Variants in RCAN2 observed in about 807,000 individuals in gnomAD.
RCAN2 encodes the protein calcipressin-2.
In RCAN2, 9 loss-of-function variants were observed where a neutral mutation model predicts 23.6. The ratio of observed to expected loss-of-function variants is 0.38; its 90% CI spans 0.23 to 0.67. The LOEUF is 0.67. RCAN2 is among the 30% of genes least tolerant of loss of function. The pLI is 0.51. For missense variants in RCAN2, 273 were observed against 302.3 expected, an observed-to-expected ratio of 0.90 and a Z score of 0.72; for synonymous variants, 109 against 115.7, an observed-to-expected ratio of 0.94 and a Z score of 0.37.
intron 2 of RCAN2, among the ~76,000 whole-genome samples, chr6:46,280,739 G>A (rs1767879023): frequency 6.6e-6 from 1 of 152,162 alleles, no homozygotes; most frequent in South Asian, 2.1e-4. Flanking sequence ...CCAGAAGCCT[G>A]TGCCATCCAT....
rs532586283 is a variant in RCAN2, at chr6:46,311,721, CTG to C, written c.226-62827_226-62826del. On this transcript the variant is annotated intron_variant, in intron 2 of 4. Transcript: ENST00000371374. ...AAATCTTGACAAACTTCTCCTAAGACTGTGTTTTCAGGACTTATTAACTCCCT... is the reference window on the plus strand; with the variant it reads ...AAATCTTGACAAACTTCTCCTAAGACTGTTTTCAGGACTTATTAACTCCCT... 1.0e-3 allele frequency among the ~76,000 whole-genome samples: 159 copies of C among 152,318 alleles called. 1 individual carries two copies. Among genetic ancestry groups the C allele is most frequent in the Non-Finnish European group, 1.9e-3 (127 of 68,012 alleles).
chr6:46,278,621 A>G (rs540423849), intron 2 of RCAN2, among the ~76,000 whole-genome samples: 33 of 152,328 alleles, frequency 2.2e-4, no homozygotes, highest in African/African-American at 7.7e-4. Flanking sequence ...CCTTTATAAC[A>G]CAAGAAAATC....
At chr6:46,455,310 CA>C (rs1254404560) in intron 2 of RCAN2, among the ~76,000 whole-genome samples, 2 of 152,158 alleles carry the variant, frequency 1.3e-5, no homozygotes, top group Non-Finnish European at 2.9e-5. Flanking sequence ...ATAATTTCAA[CA>C]GTTCAACTCC....
At chr6:46,323,011 C>T (rs1197911941) in intron 2 of RCAN2, among the ~76,000 whole-genome samples, 2 of 152,140 alleles carry the variant, frequency 1.3e-5, no homozygotes, top group South Asian at 2.1e-4. Flanking sequence ...AATGTTACTG[C>T]TTTACATTAG....
At chr6:46,312,378 C>T (rs1345891967) in intron 2 of RCAN2, among the ~76,000 whole-genome samples, 2 of 152,162 alleles carry the variant, frequency 1.3e-5, no homozygotes, top group Non-Finnish European at 2.9e-5. Flanking sequence ...ACTGAATTTC[C>T]ACTTACGAGT....
intron 1 of RCAN2, among the ~76,000 whole-genome samples, chr6:46,469,164 G>T (rs1026868384): frequency 6.6e-6 from 1 of 152,060 alleles, no homozygotes; most frequent in Admixed American, 6.5e-5. Context: ...TTCAACCAAG[G>T]GCCACAACTG....
intron 2 of RCAN2, among the ~76,000 whole-genome samples, chr6:46,276,591 G>C (rs1224207293): frequency 6.6e-6 from 1 of 152,154 alleles, no homozygotes; most frequent in South Asian, 2.1e-4. Flanking sequence ...GATCTGAAGG[G>C]TTATACACAG....
chr6:46,265,350 A>T (rs1434097965), intron 2 of RCAN2, among the ~76,000 whole-genome samples: 1 of 152,182 alleles, frequency 6.6e-6, no homozygotes, highest in East Asian at 1.9e-4. Context: ...GGCATCGTTC[A>T]GTGCCAAAAC....
intron 1 of RCAN2, among the ~76,000 whole-genome samples, chr6:46,477,885 A>G (rs767633961): frequency 3.3e-5 from 5 of 152,220 alleles, no homozygotes; most frequent in Non-Finnish European, 7.3e-5. Context: ...AACTCTAAGT[A>G]TATGCAAATG....
At position 46,221,662 on chromosome 6, in the gene RCAN2, A is replaced by G. The variant is rs778319768; in HGVS notation, c.*1479T>C. On this transcript the variant is annotated 3_prime_UTR_variant, in exon 5 of 5. Coordinates refer to ENST00000371374, the MANE Select transcript of RCAN2 (RefSeq NM_001251974.2). ...TAAGTTTCTGATGAAACTAACATAC[A>G]CCTTAGTCAAAAACCACAACAATCC... 2.6e-5 allele frequency: 9 copies of G among 349,130 alleles called. No homozygotes were observed. The highest frequency in any genetic ancestry group is 4.1e-5 in the Non-Finnish European group (8 of 194,962). 21.6% of individuals were successfully genotyped at this position (349,130 alleles called of 1,614,324 possible). A position where few individuals can be genotyped will look rare whatever the true frequency, so the allele number is the denominator to read the frequency against.
At chr6:46,383,594 A>G (rs943561892) in intron 2 of RCAN2, among the ~76,000 whole-genome samples, 51 of 152,188 alleles carry the variant, frequency 3.4e-4, no homozygotes, top group African/African-American at 1.2e-3. Context: ...ATGATTTTCT[A>G]TAAGCTGCAT....
intron 2 of RCAN2, among the ~76,000 whole-genome samples, chr6:46,323,385 T>TAA (rs59759519): frequency 7.0e-5 from 9 of 128,718 alleles, no homozygotes; most frequent in African/African-American, 1.9e-4. Flanking sequence ...GTAACCTTTC[T>TAA]AAAAAAAAAA....
intron 2 of RCAN2, among the ~76,000 whole-genome samples, chr6:46,337,632 T>A (rs141619754): frequency 5.4e-4 from 82 of 152,358 alleles, no homozygotes; most frequent in African/African-American, 1.9e-3. Flanking sequence ...CCCACTCACC[T>A]TTCATCGTAA....
rs569314449 is a variant in RCAN2, at chr6:46,234,404, A to G, written c.572-11103T>C. Among the ~76,000 whole-genome samples the G allele has an allele frequency of 2.6e-5, 4 of 152,284 alleles. No homozygotes were observed. The South Asian group carries it at 8.3e-4, about 32-fold the overall frequency. ...GGGCTTCAACTATTTCCTCTACCAC[A>G]AGGGCTGACGTCAATGCTGTCACCA... On this transcript the variant is annotated intron_variant, in intron 4 of 4. Coordinates refer to ENST00000371374, the MANE Select transcript of RCAN2 (RefSeq NM_001251974.2).
At chr6:46,421,889 A>AT (rs1423306015) in intron 2 of RCAN2, among the ~76,000 whole-genome samples, 7 of 152,370 alleles carry the variant, frequency 4.6e-5, no homozygotes, top group African/African-American at 1.7e-4. Context: ...AAATAAATAA[A>AT]TATCAAAACA....
At chr6:46,331,932 C>T (rs1763987175) in intron 2 of RCAN2, among the ~76,000 whole-genome samples, 1 of 152,118 alleles carries the variant, frequency 6.6e-6, no homozygotes, top group Non-Finnish European at 1.5e-5. Flanking sequence ...TTGCCTTATC[C>T]CACACTATAG....
intron 2 of RCAN2, among the ~76,000 whole-genome samples, chr6:46,287,056 A>C (rs2799360): frequency 0.98 from 148,448 of 152,174 alleles, 72,428 homozygotes; most frequent in East Asian, 1. Context: ...AGGCAAAGAA[A>C]CCTCACTCAC....
intron 2 of RCAN2, among the ~76,000 whole-genome samples, chr6:46,310,241 T>C (rs1763211982): frequency 6.6e-6 from 1 of 152,054 alleles, no homozygotes; most frequent in Non-Finnish European, 1.5e-5. Flanking sequence ...AATAATTGCC[T>C]GGAATAATTG....
chr6:46,364,752 C>A (rs1765116737), intron 2 of RCAN2, among the ~76,000 whole-genome samples: 2 of 152,212 alleles, frequency 1.3e-5, no homozygotes, highest in South Asian at 2.1e-4. Flanking sequence ...AACTGCTCCC[C>A]AAACTGCTAA....
Sources: allele counts gnomAD v4.1 joint callset (sites outside exome capture counted in the v4.1 genomes callset), GRCh38; gene constraint gnomAD v4.1.1; transcripts MANE v1.5; gene names NCBI Gene and HGNC (gene_info 2026-07-23, HGNC 2026-07-21).